GALNT13: variants seen among roughly 807,000 people sequenced by gnomAD.
GALNT13 encodes the protein polypeptide N-acetylgalactosaminyltransferase 13, also known as UDP-GalNAc:polypeptide N-acetylgalactosaminyltransferase 13.
Under a neutral mutation model 64.2 loss-of-function variants are expected in GALNT13, and 28 were observed. The ratio of observed to expected loss-of-function variants is 0.44; its 90% CI spans 0.32 to 0.60. GALNT13 has a LOEUF of 0.60. Ranked by LOEUF, GALNT13 falls within the 20% of genes least tolerant of loss-of-function variation. GALNT13 has a pLI of 0.05. For missense variants in GALNT13, 577 were observed against 669.8 expected, an observed-to-expected ratio of 0.86 and a Z score of 1.53; for synonymous variants, 214 against 224.6, an observed-to-expected ratio of 0.95 and a Z score of 0.42.
At chr2:154,431,689 T>G (rs1700716921) in intron 11 of GALNT13, among the ~76,000 whole-genome samples, 1 of 152,228 alleles carries the variant, frequency 6.6e-6, no homozygotes, top group African/African-American at 2.4e-5. Context: ...TCTTGAATTG[T>G]AGCTCCCATA....
chr2:153,723,261 T>A, the GALNT13 span, among the ~76,000 whole-genome samples: 1 of 148,940 alleles, frequency 6.7e-6, no homozygotes, highest in East Asian at 2.0e-4. Context: ...CAACCCTTCA[T>A]GCTAAAAACT....
In GALNT13 at chr2:154,037,524, A is replaced by G. The variant is rs113942599; in HGVS notation, c.142+92885A>G. Among the ~76,000 whole-genome samples, 415 of 152,256 alleles carry G rather than the reference A, an allele frequency of 2.7e-3. 1 individual carries two copies. The highest frequency in any genetic ancestry group is 9.4e-3 in the African/African-American group (392 of 41,552). On this transcript the variant is annotated intron_variant, in intron 3 of 12. Transcript: ENST00000392825. Reference sequence around the variant, plus strand: ...CCTAGCCAGAGCACTTAGGCAACAGAAAGAAATAAAGGTATCCAAACTGGG... The same window carrying G: ...CCTAGCCAGAGCACTTAGGCAACAGGAAGAAATAAAGGTATCCAAACTGGG...
chr2:153,785,745 T>C, the GALNT13 span, among the ~76,000 whole-genome samples: 1 of 151,880 alleles, frequency 6.6e-6, no homozygotes, highest in African/African-American at 2.4e-5. Context: ...CCTCTAGGGC[T>C]ATTGAGCCTG....
intron 3 of GALNT13, among the ~76,000 whole-genome samples, chr2:153,999,275 T>C (rs1202937406): frequency 4.6e-5 from 7 of 151,608 alleles, no homozygotes; most frequent in Admixed American, 4.6e-4. Context: ...ACTTCCTTTT[T>C]TTTTTTTTTT....
At chr2:154,433,334 A>G (rs949808427) in intron 11 of GALNT13, among the ~76,000 whole-genome samples, 3 of 152,090 alleles carry the variant, frequency 2.0e-5, no homozygotes, top group Non-Finnish European at 4.4e-5. Context: ...TTTGCACTTC[A>G]GTTAAGAGGT....
At chr2:154,396,931 T>G (rs2105364589) in intron 10 of GALNT13, among the ~76,000 whole-genome samples, 1 of 150,028 alleles carries the variant, frequency 6.7e-6, no homozygotes, top group African/African-American at 2.4e-5. Flanking sequence ...ATATAATATA[T>G]TCATACTATA....
the GALNT13 span, among the ~76,000 whole-genome samples, chr2:153,306,754 T>C: frequency 9.8e-5 from 15 of 152,324 alleles, no homozygotes; most frequent in South Asian, 2.9e-3. Flanking sequence ...TCTCTCTCCC[T>C]TTTTGTTTTT....
chr2:153,629,720 A>C, the GALNT13 span, among the ~76,000 whole-genome samples: 1 of 151,442 alleles, frequency 6.6e-6, no homozygotes, highest in Non-Finnish European at 1.5e-5. Context: ...AACCTACAGA[A>C]TGGGAGAAAA....
the GALNT13 span, among the ~76,000 whole-genome samples, chr2:153,678,928 G>T: frequency 3.9e-5 from 6 of 151,926 alleles, no homozygotes; most frequent in Non-Finnish European, 8.8e-5. Context: ...AATAATTGTT[G>T]AGAGTATGGA....
chr2:153,934,559 G>A (rs1690763789), intron 2 of GALNT13, among the ~76,000 whole-genome samples: 1 of 152,156 alleles, frequency 6.6e-6, no homozygotes, highest in South Asian at 2.1e-4. Context: ...AATGTCACGT[G>A]TCAATGCAGT....
chr2:153,447,454 C>T, the GALNT13 span, among the ~76,000 whole-genome samples: 3 of 152,094 alleles, frequency 2.0e-5, no homozygotes, highest in Non-Finnish European at 4.4e-5. Flanking sequence ...ATATGCACTA[C>T]AAAGAAGGGG....
the GALNT13 span, among the ~76,000 whole-genome samples, chr2:153,489,769 C>T: frequency 6.6e-6 from 1 of 152,012 alleles, no homozygotes; most frequent in Admixed American, 6.5e-5. Flanking sequence ...GGTTCTCAAA[C>T]CAGATATTTA....
intron 1 of GALNT13, among the ~76,000 whole-genome samples, chr2:153,893,189 C>T (rs185661484): frequency 7.7e-4 from 117 of 152,172 alleles, no homozygotes; most frequent in African/African-American, 2.6e-3. Context: ...TAGACACTGG[C>T]GAGGCACCTT....
intron 1 of GALNT13, among the ~76,000 whole-genome samples, chr2:153,895,785 A>G (rs763714718): frequency 6.6e-6 from 1 of 152,056 alleles, no homozygotes; most frequent in African/African-American, 2.4e-5. Flanking sequence ...TAAGGAAACA[A>G]TCACGCTGTG....
At chr2:154,043,719 C>A (rs1032737908) in intron 3 of GALNT13, among the ~76,000 whole-genome samples, 1 of 151,838 alleles carries the variant, frequency 6.6e-6, no homozygotes, top group Non-Finnish European at 1.5e-5. Context: ...GTACTATTTT[C>A]AAAAAATCAG....
intron 10 of GALNT13, among the ~76,000 whole-genome samples, chr2:154,399,814 T>G (rs799747): frequency 0.35 from 52,667 of 151,996 alleles, 9,597 homozygotes; most frequent in African/African-American, 0.46. Flanking sequence ...AAAATAGGGA[T>G]GCAGAGGTGG....
At chr2:154,130,293 G>A (rs1409965650) in intron 3 of GALNT13, among the ~76,000 whole-genome samples, 2 of 152,056 alleles carry the variant, frequency 1.3e-5, no homozygotes, top group African/African-American at 4.8e-5. Context: ...GAGTCAAAGG[G>A]AAAGGGACCC....
chr2:153,835,247 T>A, the GALNT13 span, among the ~76,000 whole-genome samples: 1 of 152,042 alleles, frequency 6.6e-6, no homozygotes, highest in Non-Finnish European at 1.5e-5. Context: ...TCTGGTTGTT[T>A]TAGGTAGTGA....
chr2:154,229,755 G>T (rs1052581977), intron 4 of GALNT13, among the ~76,000 whole-genome samples: 1 of 151,932 alleles, frequency 6.6e-6, no homozygotes, highest in Non-Finnish European at 1.5e-5. Context: ...AGCATGAGAG[G>T]GCTTTGTTCC....
Sources: allele counts gnomAD v4.1 joint callset (sites outside exome capture counted in the v4.1 genomes callset), GRCh38; gene constraint gnomAD v4.1.1; transcripts MANE v1.5; gene names NCBI Gene and HGNC (gene_info 2026-07-23, HGNC 2026-07-21).